PLEKHO2: variants seen among roughly 807,000 people sequenced by gnomAD.
PLEKHO2 encodes the protein pleckstrin homology domain containing O2.
In PLEKHO2, 20 loss-of-function variants were observed where a neutral mutation model predicts 32.7. The observed-to-expected ratio is 0.61, with a 90% CI of 0.43 to 0.89. The LOEUF (loss-of-function observed/expected upper bound fraction) is 0.89. PLEKHO2 is among the 40% of genes least tolerant of loss of function. The pLI is 0.00. For synonymous variants in PLEKHO2, 247 were observed against 246.3 expected (o/e 1.00, Z -0.03); for missense variants, 568 against 621.2 (o/e 0.91, Z 0.91).
rs2084595964 is a variant in PLEKHO2, at chr15:64,854,945, G to T, written c.187G>T (p.Val63Leu). The change falls in exon 3 of 6, where the codon GTG (valine) becomes TTG (leucine). Residue 63 changes from valine to leucine, a missense_variant. Coordinates refer to ENST00000323544, the MANE Select transcript of PLEKHO2 (RefSeq NM_025201.5). ...GGATGATCAGAAGTGTGTGGAGACT[G>T]TGGAGCTGGGCAGCTATGAGAAGTG... is the stretch of plus-strand genomic sequence containing the variant. ...NEDDQKCVET[V>L]ELGSYEKCQD... 6.2e-7 allele frequency: 1 copy of T among 1,612,794 alleles called. No individual in the cohort carries two copies. Among genetic ancestry groups the T allele is most frequent in the African/African-American group, 1.3e-5 (1 of 74,926 alleles).
intron 1 of PLEKHO2, among the ~76,000 whole-genome samples, chr15:64,844,999 C>T (rs2084512429): frequency 6.6e-6 from 1 of 152,190 alleles, no homozygotes; most frequent in African/African-American, 2.4e-5. Flanking sequence ...GCCTGTGCTT[C>T]CTCTCTCTCA....
chr15:64,851,683 G>A (rs72733242), intron 2 of PLEKHO2, among the ~76,000 whole-genome samples: 2,760 of 152,256 alleles, frequency 0.018, 57 homozygotes, highest in South Asian at 0.03. Flanking sequence ...TGGTTTATCC[G>A]TTTTTCTGAG....
At position 64,861,465 on chromosome 15, in the gene PLEKHO2, C is replaced by T; in HGVS notation, c.385-12C>T. On this transcript the variant is annotated splice_polypyrimidine_tract_variant and intron_variant, in intron 4 of 5. Transcript: ENST00000323544. ...GCTTGGCAGGGGCTGATCTGGTTCC[C>T]CCTCCCTCCAGGTAAAGGTGGACAA... 1 of 1,577,346 alleles carries T rather than the reference C, an allele frequency of 6.3e-7. No individual in the cohort carries two copies. Among genetic ancestry groups the T allele is most frequent in the Non-Finnish European group, 8.6e-7 (1 of 1,161,944 alleles).
intron 2 of PLEKHO2, 138 bp downstream of exon 2, chr15:64,848,880 T>C: frequency 1.0e-6 from 1 of 973,570 alleles, no homozygotes; most frequent in Non-Finnish European, 1.6e-6. Context: ...CTTGAGCGAG[T>C]ACCTAATCCT....
intron 1 of PLEKHO2, among the ~76,000 whole-genome samples, chr15:64,845,821 A>T (rs776768642): frequency 2.0e-5 from 3 of 152,192 alleles, no homozygotes; most frequent in Non-Finnish European, 4.4e-5. Context: ...AGGAGAGGTC[A>T]TGAGTGGAGA....
rs951850877 is a variant in PLEKHO2, at chr15:64,866,829, C to T, written c.*941C>T. The T allele has an allele frequency of 6.5e-6, 1 of 153,546 alleles. No individual in the cohort carries two copies. The highest frequency in any genetic ancestry group is 1.5e-5 in the Non-Finnish European group (1 of 68,926). 9.5% of individuals were successfully genotyped at this position (153,546 alleles called of 1,614,324 possible). A position where few individuals can be genotyped will look rare whatever the true frequency, so the allele number is the denominator to read the frequency against. ...GGATTTATCTGGATCTCTGTGGTTC[C>T]TTCTCAGCCGAAACAGGTCCAGTAT... On this transcript the variant is annotated 3_prime_UTR_variant, in exon 6 of 6. Transcript: ENST00000323544.
chr15:64,844,741 C>T (rs1465569257), intron 1 of PLEKHO2, among the ~76,000 whole-genome samples: 1 of 152,162 alleles, frequency 6.6e-6, no homozygotes. Flanking sequence ...TGGACCAAGG[C>T]GTGTGTCTCT....
intron 2 of PLEKHO2, among the ~76,000 whole-genome samples, chr15:64,853,948 G>T (rs1203780071): frequency 6.6e-6 from 1 of 152,198 alleles, no homozygotes; most frequent in Non-Finnish European, 1.5e-5. Flanking sequence ...CATCAGCAAG[G>T]GTTTCCTTAA....
Position 64,866,175 on chromosome 15 carries a change from C to G in PLEKHO2, c.*287C>G. The G allele has an allele frequency of 1.9e-6, 1 of 525,718 alleles. No homozygotes were observed. The highest frequency in any genetic ancestry group is 3.0e-4 in the Middle Eastern group (1 of 3,388). 32.6% of individuals were successfully genotyped at this position (525,718 alleles called of 1,614,324 possible). On this transcript the variant is annotated 3_prime_UTR_variant, in exon 6 of 6. Transcript: ENST00000323544. ...GCTGGGACCTATGTGTTTGTGTGGT[C>G]GTTCCAAACTGCCCCAGGGCTTTGG... is the stretch of plus-strand genomic sequence containing the variant.
intron 2 of PLEKHO2, among the ~76,000 whole-genome samples, chr15:64,853,279 CTTT>C (rs540850058): frequency 6.7e-5 from 9 of 134,714 alleles, no homozygotes; most frequent in Admixed American, 7.3e-5. Flanking sequence ...TTTTCTTTTT[CTTT>C]TTTTTTTTTT....
Position 64,860,012 on chromosome 15 carries a change from T to C in PLEKHO2, c.384+14T>C, listed in dbSNP as rs750404536. The C allele has an allele frequency of 5.2e-5, 84 of 1,605,790 alleles. No homozygotes were observed. The highest frequency in any genetic ancestry group is 6.7e-5 in the Non-Finnish European group (78 of 1,172,524). ...GCTTTCGATGAGGTGCGATGCAGTC[T>C]GTGGACATGGACAGCTCTGTGTCTC... On this transcript the variant is annotated intron_variant, in intron 4 of 5. Coordinates refer to ENST00000323544, the MANE Select transcript of PLEKHO2 (RefSeq NM_025201.5).
At chr15:64,847,820 G>A (rs1159962663) in intron 1 of PLEKHO2, among the ~76,000 whole-genome samples, 1 of 152,188 alleles carries the variant, frequency 6.6e-6, no homozygotes, top group Non-Finnish European at 1.5e-5. Context: ...GGGAGGAGGG[G>A]AGAGGAGCCT....
intron 5 of PLEKHO2, among the ~76,000 whole-genome samples, chr15:64,862,061 C>G (rs1439556514): frequency 5.3e-5 from 8 of 151,916 alleles, no homozygotes; most frequent in African/African-American, 1.9e-4. Flanking sequence ...TCAGGGGATT[C>G]TCTGTGGAGG....
chr15:64,848,876 C>T (rs546952298), intron 2 of PLEKHO2, 134 bp downstream of exon 2: 23 of 1,026,274 alleles, frequency 2.2e-5, no homozygotes, highest in South Asian at 2.2e-4. Flanking sequence ...CAACCTTGAG[C>T]GAGTACCTAA....
At chr15:64,860,795 T>C (rs1178664802) in intron 4 of PLEKHO2, among the ~76,000 whole-genome samples, 1 of 152,126 alleles carries the variant, frequency 6.6e-6, no homozygotes, top group Admixed American at 6.5e-5. Context: ...GGACATATCA[T>C]AGATATTGGG....
chr15:64,847,828 C>T (rs989682685), intron 1 of PLEKHO2, among the ~76,000 whole-genome samples: 1 of 152,134 alleles, frequency 6.6e-6, no homozygotes, highest in African/African-American at 2.4e-5. Flanking sequence ...GGGAGAGGAG[C>T]CTCCTGCTTT....
intron 1 of PLEKHO2, among the ~76,000 whole-genome samples, chr15:64,847,143 G>C (rs1397595598): frequency 6.6e-6 from 1 of 152,184 alleles, no homozygotes; most frequent in Non-Finnish European, 1.5e-5. Flanking sequence ...CAGTTCAAAA[G>C]GGGGTGGGGG....
At chr15:64,849,098 G>T (rs2084546277) in intron 2 of PLEKHO2, among the ~76,000 whole-genome samples, 1 of 148,890 alleles carries the variant, frequency 6.7e-6, no homozygotes, top group Non-Finnish European at 1.5e-5. Context: ...CTCTGTCTTA[G>T]CCTCCTGAGT....
chr15:64,847,950 C>G (rs2140338816), intron 1 of PLEKHO2, among the ~76,000 whole-genome samples: 1 of 152,310 alleles, frequency 6.6e-6, no homozygotes, highest in Admixed American at 6.5e-5. Context: ...GGTGGCCTTC[C>G]TGGGCCACCC....
Sources: allele counts gnomAD v4.1 joint callset (sites outside exome capture counted in the v4.1 genomes callset), GRCh38; gene constraint gnomAD v4.1.1; transcripts MANE v1.5; gene names NCBI Gene and HGNC (gene_info 2026-07-23, HGNC 2026-07-21).